ZNF555: variants seen among roughly 807,000 people sequenced by gnomAD.
ZNF555 encodes the protein zinc finger protein 555.
ZNF555 carries 10 observed loss-of-function variants against 14.0 expected under a neutral mutation model. That is an observed-to-expected ratio of 0.72 (90% CI 0.44 to 1.21). The LOEUF (loss-of-function observed/expected upper bound fraction) is 1.21. Ranked by LOEUF, ZNF555 falls within the 50% of genes most tolerant of loss-of-function variation. The pLI, the probability that ZNF555 is intolerant of heterozygous loss-of-function variation, is 0.00. For missense variants in ZNF555, 747 were observed against 762.0 expected (o/e 0.98, Z 0.23); for synonymous variants, 277 against 262.4 (o/e 1.06, Z -0.54).
chr19:2,852,398 G>T lies in ZNF555; in HGVS notation c.333G>T (p.Glu111Asp). 6.2e-7 allele frequency: 1 copy of T among 1,614,104 alleles called. No individual in the cohort carries two copies. Residue 111 changes from glutamate to aspartate, a missense_variant, in exon 4 of 4, where the codon GAG becomes GAT. Physicochemically the swap from Glu to Asp is conservative, Grantham distance 45. Transcript: ENST00000334241. ...GRNLSRNHGL[E>D]RLCESNDQCG... is the part of the protein sequence containing the mutation. ...TTTTTAGTAGAAATCATGGGTTGGA[G>T]AGACTCTGTGAAAGTAATGATCAAT...
rs2087663708 is a variant in ZNF555 at position 2,854,043 on chromosome 19, C to G, written c.*91C>G. 3 of 1,461,800 alleles carry G rather than the reference C, an allele frequency of 2.1e-6. No individual in the cohort carries two copies. Among genetic ancestry groups the G allele is most frequent in the Non-Finnish European group, 9.3e-7 (1 of 1,077,694 alleles). The allele number at this position is 1,461,800 out of a possible 1,614,324, so 90.6% of individuals were successfully genotyped here. A position where few individuals can be genotyped will look rare whatever the true frequency, so the allele number is the denominator to read the frequency against. ...GTTGAAAAATAATTCTCCAAATACT[C>G]TCAGCTATCCTACATGAATTTGAAC... On this transcript the variant is annotated 3_prime_UTR_variant, in exon 4 of 4. Coordinates refer to ENST00000334241, the MANE Select transcript of ZNF555 (RefSeq NM_152791.5).
At chr19:2,846,484 C>T (rs977724623) in intron 1 of ZNF555, among the ~76,000 whole-genome samples, 3 of 152,172 alleles carry the variant, frequency 2.0e-5, no homozygotes, top group African/African-American at 4.8e-5. Context: ...GGGCCTTACC[C>T]GGGAGTGTCT....
chr19:2,851,068 G>A (rs955667009), intron 2 of ZNF555, among the ~76,000 whole-genome samples: 2 of 148,666 alleles, frequency 1.3e-5, no homozygotes, highest in African/African-American at 2.5e-5. Flanking sequence ...GTGTGATCTC[G>A]ACTCACTGCA....
rs1024534937 is a variant in ZNF555 at position 2,856,894 on chromosome 19, A to G, written c.*2942A>G. 6.6e-6 allele frequency: 1 copy of G among 152,188 alleles called. No individual in the cohort carries two copies. The highest frequency in any genetic ancestry group is 6.5e-5 in the Admixed American group (1 of 15,270). 9.4% of individuals were successfully genotyped at this position (152,188 alleles called of 1,614,324 possible). On this transcript the variant is annotated 3_prime_UTR_variant, in exon 4 of 4. Transcript: ENST00000334241. ...CAGTCATATGGGGGAGAAGAGGGGA[A>G]TGTTTGATGGTTTTTGTGGTTTAGA...
chr19:2,851,092 G>A (rs369541465), intron 2 of ZNF555, among the ~76,000 whole-genome samples: 3 of 150,030 alleles, frequency 2.0e-5, no homozygotes, highest in East Asian at 2.0e-4. Flanking sequence ...TCTGCCTCCC[G>A]AGTTCAAGCA....
chr19:2,845,890 GGGACAA>G (rs1456178009), intron 1 of ZNF555, among the ~76,000 whole-genome samples: 1 of 152,168 alleles, frequency 6.6e-6, no homozygotes, highest in African/African-American at 2.4e-5. Flanking sequence ...GTGTCTTCCA[GGGACAA>G]GGCAGTGCCC....
At chr19:2,841,663 G>GC (rs2087537159) in intron 1 of ZNF555, 88 bp downstream of exon 1, 1 of 1,375,206 alleles carries the variant, frequency 7.3e-7, no homozygotes, top group South Asian at 1.6e-5. Context: ...GCTGAGGGAC[G>GC]CGGGGGGCGG....
rs1325387239 is a variant in ZNF555 at position 2,860,260 on chromosome 19, A to C, written c.*6308A>C. ...TATATTGGTGTATCTGGGAGGTCCCATGTGTCTCAGTGGTGGTCCCTGTTT... is the reference window on the plus strand; with the variant it reads ...TATATTGGTGTATCTGGGAGGTCCCCTGTGTCTCAGTGGTGGTCCCTGTTT... On this transcript the variant is annotated 3_prime_UTR_variant, in exon 4 of 4. Coordinates refer to ENST00000334241, the MANE Select transcript of ZNF555 (RefSeq NM_152791.5). 1 of 151,436 alleles carries C rather than the reference A, an allele frequency of 6.6e-6. No homozygotes were observed. Among genetic ancestry groups the C allele is most frequent in the African/African-American group, 2.4e-5 (1 of 41,152 alleles). The allele number at this position is 151,436 out of a possible 1,614,324, so 9.4% of individuals were successfully genotyped here.
chr19:2,846,002 C>T (rs971129706), intron 1 of ZNF555, among the ~76,000 whole-genome samples: 13 of 152,128 alleles, frequency 8.5e-5, no homozygotes, highest in African/African-American at 3.1e-4. Context: ...CGGGACACCC[C>T]AAGCAGGACT....
In ZNF555 at chr19:2,853,829, A is replaced by G. The variant is rs115690966; in HGVS notation, c.1764A>G (p.Thr588=). ...GGCGACATGTGAGAATACACACTAC[A>G]GAAAAACAGTATAAGTGTAATGTAG... ...SLRRHVRIHT[T]EKQYKCNVGH... The change falls in exon 4 of 4, where the codon ACA becomes ACG. Residue 588 remains threonine, a synonymous_variant. Coordinates refer to ENST00000334241, the MANE Select transcript of ZNF555 (RefSeq NM_152791.5). The G allele has an allele frequency of 1.3e-4, 206 of 1,613,900 alleles. No homozygotes were observed. Among genetic ancestry groups the G allele is most frequent in the East Asian group, 1.3e-4 (6 of 44,880 alleles).
At chr19:2,848,544 G>T (rs1324391653) in intron 1 of ZNF555, among the ~76,000 whole-genome samples, 1 of 151,898 alleles carries the variant, frequency 6.6e-6, no homozygotes, top group African/African-American at 2.4e-5. Context: ...CACCTCCCGG[G>T]TTCAAGCTAT....
rs1352663485 is a variant in ZNF555 at position 2,858,733 on chromosome 19, G to A, written c.*4781G>A. ...ACGCCCATCAGCCACAGCAGCTCCTGCTACTGCATAAATCCATAGGCACAA... is the reference window on the plus strand; with the variant it reads ...ACGCCCATCAGCCACAGCAGCTCCTACTACTGCATAAATCCATAGGCACAA... On this transcript the variant is annotated 3_prime_UTR_variant, in exon 4 of 4. Transcript: ENST00000334241. 1 of 152,352 alleles carries A rather than the reference G, an allele frequency of 6.6e-6. No individual in the cohort carries two copies. Among genetic ancestry groups the A allele is most frequent in the Non-Finnish European group, 1.5e-5 (1 of 68,148 alleles). 9.4% of individuals were successfully genotyped at this position (152,352 alleles called of 1,614,324 possible).
intron 1 of ZNF555, among the ~76,000 whole-genome samples, chr19:2,841,901 C>T (rs1173027570): frequency 6.6e-6 from 1 of 151,666 alleles, no homozygotes; most frequent in East Asian, 1.9e-4. Flanking sequence ...CCCGGGGCCG[C>T]GACGCCTCGG....
chr19:2,846,115 G>C (rs1004871967), intron 1 of ZNF555, among the ~76,000 whole-genome samples: 1 of 152,152 alleles, frequency 6.6e-6, no homozygotes, highest in East Asian at 1.9e-4. Context: ...ATTCAGTTTA[G>C]TCCTCAGTTT....
intron 1 of ZNF555, among the ~76,000 whole-genome samples, chr19:2,842,108 C>G (rs1344722041): frequency 6.6e-6 from 1 of 152,224 alleles, no homozygotes; most frequent in South Asian, 2.1e-4. Flanking sequence ...CGCCTCCGGC[C>G]GCGGTCTCTG....
rs557709083 is a variant in ZNF555 at position 2,856,475 on chromosome 19, G to C, written c.*2523G>C. 2.0e-5 allele frequency: 3 copies of C among 152,336 alleles called. No individual in the cohort carries two copies. Among genetic ancestry groups the C allele is most frequent in the African/African-American group, 7.2e-5 (3 of 41,570 alleles). The allele number at this position is 152,336 out of a possible 1,614,324, so 9.4% of individuals were successfully genotyped here. On this transcript the variant is annotated 3_prime_UTR_variant, in exon 4 of 4. Coordinates refer to ENST00000334241, the MANE Select transcript of ZNF555 (RefSeq NM_152791.5). Reference sequence around the variant, plus strand: ...CCACCTTGGCCTCCCAAAGTGTTGGGATTACAGGCATGAGCCACCACACCC... The same window carrying C: ...CCACCTTGGCCTCCCAAAGTGTTGGCATTACAGGCATGAGCCACCACACCC...
rs1333106757 is a variant in ZNF555 at position 2,859,282 on chromosome 19, G to A, written c.*5330G>A. The stretch of plus-strand genomic sequence containing the variant: ...GACATCAAGAGTGGTACTGGAAGTG[G>A]CGGAAGCTCTCCTCTTGCCCTCTTC... On this transcript the variant is annotated 3_prime_UTR_variant, in exon 4 of 4. Transcript: ENST00000334241. 6.6e-6 allele frequency: 1 copy of A among 152,308 alleles called. No homozygotes were observed. Among genetic ancestry groups the A allele is most frequent in the East Asian group, 1.9e-4 (1 of 5,206 alleles). The allele number at this position is 152,308 out of a possible 1,614,324, so 9.4% of individuals were successfully genotyped here.
intron 1 of ZNF555, 109 bp from the exon 2 acceptor site, chr19:2,850,478 A>C (rs2087619263): frequency 6.8e-7 from 1 of 1,462,454 alleles, no homozygotes; most frequent in Non-Finnish European, 9.3e-7. Flanking sequence ...GTCACAGGGT[A>C]GATGTCAGGG....
At chr19:2,843,099 G>A (rs1214548661) in intron 1 of ZNF555, among the ~76,000 whole-genome samples, 1 of 151,418 alleles carries the variant, frequency 6.6e-6, no homozygotes, top group African/African-American at 2.4e-5. Context: ...TAAAATCTGT[G>A]TCTTACATTC....
Sources: gnomAD v4.1 joint callset for allele counts (sites outside exome capture counted in the v4.1 genomes callset) on GRCh38, gnomAD v4.1.1 for gene constraint, MANE v1.5 for transcripts, NCBI Gene and HGNC (gene_info 2026-07-23, HGNC 2026-07-21) for gene names.